Variants in EPHB1 observed in about 807,000 individuals in gnomAD.
The protein encoded by EPHB1 is ephrin type-B receptor 1.
In EPHB1, 30 loss-of-function variants were observed where a neutral mutation model predicts 94.4. The observed-to-expected ratio is 0.32, with a 90% CI of 0.24 to 0.43. EPHB1 has a LOEUF of 0.43. Ranked by LOEUF, EPHB1 falls within the 20% of genes least tolerant of loss-of-function variation. The pLI is 1.00. For synonymous variants in EPHB1, 522 were observed against 489.1 expected (o/e 1.07, Z -0.89); for missense variants, 1,055 against 1,308.3 (o/e 0.81, Z 2.99).
At position 135,052,888 on chromosome 3, in the gene EPHB1, A is replaced by T. The variant is rs866590479; in HGVS notation, c.806-53560A>T. On this transcript the variant is annotated intron_variant, in intron 3 of 15. Coordinates refer to ENST00000398015, the MANE Select transcript of EPHB1 (RefSeq NM_004441.5). ...AAAAAAAAAAAAAAAAAAAAAAAAA[A>T]AAATATATATATATATATATATGTG... 3.1e-3 allele frequency among the ~76,000 whole-genome samples: 258 copies of T among 82,844 alleles called. 12 individuals carry two copies. Among genetic ancestry groups the T allele is most frequent in the African/African-American group, 0.016 (186 of 11,912 alleles). 54.3% of individuals were successfully genotyped at this position (82,844 alleles called of 152,430 possible).
intron 3 of EPHB1, among the ~76,000 whole-genome samples, chr3:135,066,361 A>C (rs1031350167): frequency 6.6e-6 from 1 of 152,198 alleles, no homozygotes; most frequent in African/African-American, 2.4e-5. Flanking sequence ...TTGTTTAACA[A>C]AATCCCAAAC....
At chr3:134,867,474 T>C (rs1331041944) in intron 1 of EPHB1, among the ~76,000 whole-genome samples, 3 of 151,874 alleles carry the variant, frequency 2.0e-5, no homozygotes, top group Non-Finnish European at 4.4e-5. Context: ...AGGGGCCAAG[T>C]AGGAGGCTGC....
intron 1 of EPHB1, among the ~76,000 whole-genome samples, chr3:134,883,152 G>T (rs889215306): frequency 4.6e-5 from 7 of 152,142 alleles, no homozygotes; most frequent in African/African-American, 1.7e-4. Context: ...GATTGAATGG[G>T]AATATGAAAG....
chr3:135,173,920 A>T (rs886659140), intron 9 of EPHB1, among the ~76,000 whole-genome samples: 2 of 152,182 alleles, frequency 1.3e-5, no homozygotes, highest in Non-Finnish European at 2.9e-5. Flanking sequence ...CTTGGCATTG[A>T]CTTGGATTCA....
intron 3 of EPHB1, among the ~76,000 whole-genome samples, chr3:135,054,247 A>G (rs1937282729): frequency 6.6e-6 from 1 of 152,162 alleles, no homozygotes; most frequent in South Asian, 2.1e-4. Flanking sequence ...CCTCCAAGGA[A>G]GAGGAATTCT....
rs1321493663 is a variant in EPHB1, at chr3:135,259,134, T to C, written c.*14T>C. The C allele has an allele frequency of 6.3e-7, 1 of 1,592,488 alleles. No individual in the cohort carries two copies. The highest frequency in any genetic ancestry group is 1.3e-5 in the African/African-American group (1 of 74,520). The stretch of plus-strand genomic sequence containing the variant: ...GCAATGGCATGAGAACTCTTGTTTC[T>C]TGGGGAAGGAGAGGAGGGAAAAGGA... On this transcript the variant is annotated 3_prime_UTR_variant, in exon 16 of 16. Transcript: ENST00000398015.
chr3:135,241,851 T>TATCA (rs1279967022), intron 13 of EPHB1, among the ~76,000 whole-genome samples: 1 of 152,122 alleles, frequency 6.6e-6, no homozygotes, highest in East Asian at 1.9e-4. Context: ...CCATATCACC[T>TATCA]ATCAGTGAAG....
chr3:134,993,168 G>A (rs1003138498), intron 3 of EPHB1, among the ~76,000 whole-genome samples: 19 of 152,212 alleles, frequency 1.2e-4, no homozygotes, highest in Non-Finnish European at 2.4e-4. Context: ...TGCTCTGTCT[G>A]TTTCTAAGCC....
intron 12 of EPHB1, among the ~76,000 whole-genome samples, chr3:135,240,466 C>T (rs916741202): frequency 1.3e-5 from 2 of 152,114 alleles, no homozygotes; most frequent in African/African-American, 2.4e-5. Flanking sequence ...CTAAGAGTGG[C>T]CCTGTAGAAA....
rs1943981195 is a variant in EPHB1 at position 135,248,497 on chromosome 3, C to T, written c.2678C>T (p.Thr893Ile). The T allele has an allele frequency of 6.2e-7, 1 of 1,602,834 alleles. No homozygotes were observed. The highest frequency in any genetic ancestry group is 8.5e-7 in the Non-Finnish European group (1 of 1,172,396). ...RNPASLKTVA[T>I]ITAVPSQPLL... is the part of the protein sequence containing the mutation. The stretch of plus-strand genomic sequence containing the variant: ...CCGGCAAGTCTCAAGACTGTGGCAA[C>T]CATCACCGCCGTGTGAGTCTAGTGA... The change falls in exon 14 of 16, where the codon ACC becomes ATC. Residue 893 changes from threonine to isoleucine, a missense_variant. By Grantham distance (89) the Thr-to-Ile change is moderately conservative (BLOSUM62 -1). Coordinates refer to ENST00000398015, the MANE Select transcript of EPHB1 (RefSeq NM_004441.5).
intron 3 of EPHB1, among the ~76,000 whole-genome samples, chr3:135,043,675 G>A (rs1239939265): frequency 1.3e-5 from 2 of 152,204 alleles, no homozygotes; most frequent in African/African-American, 2.4e-5. Context: ...CATAAGGTCC[G>A]GCTCCATCCT....
chr3:134,924,961 T>G (rs1242923918), intron 1 of EPHB1, among the ~76,000 whole-genome samples: 1 of 152,228 alleles, frequency 6.6e-6, no homozygotes, highest in Admixed American at 6.5e-5. Context: ...AATAAACTTT[T>G]GGGTATGATG....
intron 1 of EPHB1, among the ~76,000 whole-genome samples, chr3:134,852,051 G>A (rs1457157224): frequency 6.6e-6 from 1 of 152,198 alleles, no homozygotes; most frequent in Non-Finnish European, 1.5e-5. Context: ...TTCAGATTAT[G>A]TGCCCCATGT....
chr3:135,221,546 TGACA>T (rs2107720330), intron 12 of EPHB1, among the ~76,000 whole-genome samples: 1 of 152,334 alleles, frequency 6.6e-6, no homozygotes, highest in Non-Finnish European at 1.5e-5. Flanking sequence ...GGAGCTCTAA[TGACA>T]GACAATCTAA....
intron 12 of EPHB1, among the ~76,000 whole-genome samples, chr3:135,223,166 C>A (rs1246098627): frequency 6.6e-6 from 1 of 152,158 alleles, no homozygotes; most frequent in Non-Finnish European, 1.5e-5. Flanking sequence ...ATACTTGAAT[C>A]AAAGGAAAGG....
intron 12 of EPHB1, among the ~76,000 whole-genome samples, chr3:135,228,915 G>C (rs1943466396): frequency 6.6e-6 from 1 of 152,180 alleles, no homozygotes; most frequent in African/African-American, 2.4e-5. Context: ...ATGAGGAAAA[G>C]GCAGCATGGG....
intron 3 of EPHB1, among the ~76,000 whole-genome samples, chr3:134,969,493 G>A (rs1381301851): frequency 1.3e-5 from 2 of 152,142 alleles, no homozygotes; most frequent in Non-Finnish European, 2.9e-5. Context: ...TCCACACAGG[G>A]GAGAGCCAAT....
intron 9 of EPHB1, among the ~76,000 whole-genome samples, chr3:135,171,398 A>G (rs1442634984): frequency 2.0e-5 from 3 of 152,182 alleles, no homozygotes; most frequent in Non-Finnish European, 4.4e-5. Context: ...TCCTTGTCCT[A>G]TTCAATCTCT....
At chr3:135,227,161 A>T (rs915766737) in intron 12 of EPHB1, among the ~76,000 whole-genome samples, 1 of 152,234 alleles carries the variant, frequency 6.6e-6, no homozygotes, top group Non-Finnish European at 1.5e-5. Context: ...AAATTTAAAA[A>T]CAAATGAAGT....
Sources: allele counts gnomAD v4.1 joint callset (sites outside exome capture counted in the v4.1 genomes callset), GRCh38; gene constraint gnomAD v4.1.1; transcripts MANE v1.5; gene names NCBI Gene and HGNC (gene_info 2026-07-23, HGNC 2026-07-21).